Variants in CDH18 observed in about 807,000 individuals in gnomAD.
The protein encoded by CDH18 is cadherin-18.
In CDH18, 31 loss-of-function variants were observed where a neutral mutation model predicts 67.9. The ratio of observed to expected loss-of-function variants is 0.46; its 90% CI spans 0.34 to 0.62. The LOEUF (loss-of-function observed/expected upper bound fraction) is 0.62. CDH18 is among the 20% of genes least tolerant of loss of function. The pLI is 0.01. For missense variants in CDH18, 890 were observed against 975.5 expected (o/e 0.91, Z 1.17); for synonymous variants, 362 against 347.2 (o/e 1.04, Z -0.48).
chr5:20,078,331 C>T (rs771963518), intron 2 of CDH18, among the ~76,000 whole-genome samples: 3 of 151,774 alleles, frequency 2.0e-5, no homozygotes, highest in Non-Finnish European at 2.9e-5. Flanking sequence ...GGTGTGGTGG[C>T]GTGTGCCTGT....
At chr5:20,203,755 C>G (rs533177201) in intron 2 of CDH18, among the ~76,000 whole-genome samples, 1 of 152,044 alleles carries the variant, frequency 6.6e-6, no homozygotes, top group South Asian at 2.1e-4. Context: ...ACCACGACCT[C>G]CCTAAATGGA....
chr5:20,383,552 C>T (rs1039893391), intron 1 of CDH18, among the ~76,000 whole-genome samples: 1 of 152,056 alleles, frequency 6.6e-6, no homozygotes, highest in Non-Finnish European at 1.5e-5. Flanking sequence ...TTTCCAGATG[C>T]CTTTATTACC....
At chr5:19,747,727 G>T (rs1389840174) in intron 3 of CDH18, among the ~76,000 whole-genome samples, 2 of 147,706 alleles carry the variant, frequency 1.4e-5, no homozygotes, top group African/African-American at 5.0e-5. Context: ...ACATATTTAA[G>T]TCATAGTCAC....
intron 2 of CDH18, among the ~76,000 whole-genome samples, chr5:20,024,503 A>G (rs1484496632): frequency 6.6e-6 from 1 of 152,180 alleles, no homozygotes; most frequent in East Asian, 1.9e-4. Flanking sequence ...CTATAGAAAC[A>G]TGTTGGCCAG....
chr5:20,129,139 A>G (rs1028046336), intron 2 of CDH18, among the ~76,000 whole-genome samples: 3 of 152,054 alleles, frequency 2.0e-5, no homozygotes, highest in Non-Finnish European at 4.4e-5. Context: ...GCCTTGCTCC[A>G]TTATGTAGAA....
intron 1 of CDH18, among the ~76,000 whole-genome samples, chr5:20,405,672 T>G (rs997329330): frequency 2.0e-5 from 3 of 151,976 alleles, no homozygotes; most frequent in Admixed American, 1.3e-4. Context: ...GGGAGAAAAT[T>G]TTTGCAATCT....
intron 2 of CDH18, among the ~76,000 whole-genome samples, chr5:19,980,084 G>A (rs1233981731): frequency 2.6e-5 from 4 of 152,082 alleles, no homozygotes; most frequent in Non-Finnish European, 4.4e-5. Flanking sequence ...AAAGCTCCTA[G>A]AACTGATAAT....
At chr5:20,242,467 T>C (rs1245848250) in intron 2 of CDH18, among the ~76,000 whole-genome samples, 1 of 151,154 alleles carries the variant, frequency 6.6e-6, no homozygotes, top group Non-Finnish European at 1.5e-5. Context: ...TGAGATCATA[T>C]GATATTTGTC....
intron 1 of CDH18, among the ~76,000 whole-genome samples, chr5:20,554,153 A>G (rs888830473): frequency 1.3e-5 from 2 of 152,216 alleles, no homozygotes; most frequent in Non-Finnish European, 2.9e-5. Context: ...ATATCTAGTC[A>G]GTATTTTAGA....
chr5:20,103,887 A>G lies in CDH18; in HGVS notation c.-517-111873T>C, dbSNP rs1746696479. 2.0e-5 allele frequency among the ~76,000 whole-genome samples: 3 copies of G among 151,156 alleles called. 1 individual carries two copies. In the South Asian group the frequency reaches 6.2e-4, roughly 31 times the overall value. On this transcript the variant is annotated intron_variant, in intron 2 of 14. Transcript: ENST00000507958. ...TAGAGATTGAAGGTTAACCTGTACTACCCCTTTTCTATGTTTAGGTACACA... is the reference window on the plus strand; with the variant it reads ...TAGAGATTGAAGGTTAACCTGTACTGCCCCTTTTCTATGTTTAGGTACACA...
At chr5:20,269,083 T>TA (rs1745254511) in intron 1 of CDH18, among the ~76,000 whole-genome samples, 1 of 152,106 alleles carries the variant, frequency 6.6e-6, no homozygotes, top group Non-Finnish European at 1.5e-5. Context: ...TAAGAATAGA[T>TA]ATTTTTTAAA....
chr5:19,691,668 C>A (rs935215815), intron 5 of CDH18, among the ~76,000 whole-genome samples: 1 of 151,702 alleles, frequency 6.6e-6, no homozygotes. Flanking sequence ...ATAAATTTAA[C>A]CAAAGAGGTG....
intron 1 of CDH18, among the ~76,000 whole-genome samples, chr5:20,299,433 CA>C (rs1747785622): frequency 1.3e-5 from 2 of 148,832 alleles, no homozygotes; most frequent in Non-Finnish European, 3.0e-5. Flanking sequence ...CACACACACA[CA>C]CACACACACA....
At chr5:19,913,816 G>A (rs750951617) in intron 2 of CDH18, among the ~76,000 whole-genome samples, 20 of 152,086 alleles carry the variant, frequency 1.3e-4, no homozygotes, top group Non-Finnish European at 2.5e-4. Context: ...CCACCATTGA[G>A]AACTCTTCTG....
At chr5:20,195,734 C>T (rs527871561) in intron 2 of CDH18, among the ~76,000 whole-genome samples, 1 of 151,856 alleles carries the variant, frequency 6.6e-6, no homozygotes. Context: ...ATATAGATTG[C>T]AATTCAAATA....
At chr5:19,884,697 A>T (rs889767727) in intron 2 of CDH18, among the ~76,000 whole-genome samples, 1 of 151,982 alleles carries the variant, frequency 6.6e-6, no homozygotes, top group Non-Finnish European at 1.5e-5. Context: ...CTGTGTTTTT[A>T]AAAAAAGTAT....
chr5:19,596,916 C>A (rs900530837), intron 6 of CDH18, among the ~76,000 whole-genome samples: 1 of 152,254 alleles, frequency 6.6e-6, no homozygotes, highest in East Asian at 1.9e-4. Context: ...GCCTTCAAGG[C>A]GGCCACATTT....
chr5:20,080,530 C>T (rs1341756783), intron 2 of CDH18, among the ~76,000 whole-genome samples: 2 of 152,104 alleles, frequency 1.3e-5, no homozygotes, highest in Non-Finnish European at 2.9e-5. Flanking sequence ...TCCCACCTAA[C>T]TCAGGTTATT....
At chr5:20,317,148 A>G (rs1737545345) in intron 1 of CDH18, among the ~76,000 whole-genome samples, 1 of 152,036 alleles carries the variant, frequency 6.6e-6, no homozygotes, top group Non-Finnish European at 1.5e-5. Context: ...TTGCCTTTAG[A>G]ATTTTATCTT....
Sources: allele counts gnomAD v4.1 joint callset (sites outside exome capture counted in the v4.1 genomes callset), GRCh38; gene constraint gnomAD v4.1.1; transcripts MANE v1.5; gene names NCBI Gene and HGNC (gene_info 2026-07-23, HGNC 2026-07-21).